Variants in MYO9B observed in about 807,000 individuals in gnomAD.
MYO9B encodes the protein myosin IXB.
Under a neutral mutation model 229.5 loss-of-function variants are expected in MYO9B, and 71 were observed. That is an observed-to-expected ratio of 0.31 (90% CI 0.26 to 0.38). The LOEUF (loss-of-function observed/expected upper bound fraction) is 0.38. Ranked by LOEUF, MYO9B falls within the 10% of genes least tolerant of loss-of-function variation. The pLI is 1.00. For synonymous variants in MYO9B, 1,185 were observed against 1,235.8 expected (o/e 0.96, Z 0.86); for missense variants, 2,255 against 2,920.5 (o/e 0.77, Z 5.25).
At chr19:17,130,567 C>T (rs1228314270) in intron 2 of MYO9B, among the ~76,000 whole-genome samples, 1 of 151,900 alleles carries the variant, frequency 6.6e-6, no homozygotes, top group East Asian at 1.9e-4. Context: ...TTGGAGTGAG[C>T]CGAGATCGTG....
chr19:17,194,665 G>A lies in MYO9B; in HGVS notation c.3238G>A (p.Gly1080Arg). The A allele has an allele frequency of 6.2e-7, 1 of 1,612,758 alleles. No individual in the cohort carries two copies. The highest frequency in any genetic ancestry group is 8.5e-7 in the Non-Finnish European group (1 of 1,179,810). ...EEGGQGQAAG[G>R]QQVAEQGPEP... ...GGGCGGACAGGGTCAGGCGGCTGGA[G>A]GGCAGCAGGTAGCTGAGCAGGGGCC... Residue 1080 changes from glycine to arginine, a missense_variant, in exon 22 of 40, where the codon GGG becomes AGG. This residue lies in a region of MYO9B where 679 missense variants were observed against 770.2 expected (regional missense o/e 0.88). Coordinates refer to ENST00000682292, the MANE Select transcript of MYO9B (RefSeq NM_004145.4).
At chr19:17,164,155 C>G (rs2072634604) in intron 10 of MYO9B, among the ~76,000 whole-genome samples, 1 of 152,080 alleles carries the variant, frequency 6.6e-6, no homozygotes, top group South Asian at 2.1e-4. Context: ...CCGGAATCTC[C>G]CTAGAGGCCC....
At chr19:17,202,375 G>A (rs1310563110) in intron 28 of MYO9B, 72 bp downstream of exon 28, 30 of 1,399,774 alleles carry the variant, frequency 2.1e-5, no homozygotes, top group East Asian at 7.5e-5. Flanking sequence ...CCTTAGCCAC[G>A]CCCACCCATG....
At chr19:17,089,381 T>C (rs2057615243) in intron 1 of MYO9B, among the ~76,000 whole-genome samples, 1 of 152,246 alleles carries the variant, frequency 6.6e-6, no homozygotes, top group South Asian at 2.1e-4. Context: ...CTAGTTAGCC[T>C]TCCCTTAGCT....
chr19:17,191,763 C>T (rs1367427184), intron 20 of MYO9B, among the ~76,000 whole-genome samples: 3 of 151,870 alleles, frequency 2.0e-5, no homozygotes, highest in African/African-American at 7.3e-5. Context: ...ATCCCTTGAG[C>T]CCAGGAGTTT....
At chr19:17,164,845 C>G (rs547317631) in intron 10 of MYO9B, among the ~76,000 whole-genome samples, 1 of 152,222 alleles carries the variant, frequency 6.6e-6, no homozygotes, top group African/African-American at 2.4e-5. Context: ...TGTAGCTGGT[C>G]AGAATTAAGT....
At chr19:17,184,400 G>A in intron 16 of MYO9B, 1 of 172,626 alleles carries the variant, frequency 5.8e-6, no homozygotes, top group Non-Finnish European at 1.2e-5. Context: ...TTGCAGTCTA[G>A]TTAGCAGATG....
chr19:17,141,148 C>T (rs935445916), intron 2 of MYO9B, among the ~76,000 whole-genome samples: 5 of 151,808 alleles, frequency 3.3e-5, no homozygotes, highest in Non-Finnish European at 7.4e-5. Flanking sequence ...ACATGAAGTC[C>T]ATAACAACCA....
chr19:17,202,942 C>A (rs375048155), intron 29 of MYO9B, 59 bp downstream of exon 29: 3 of 1,559,124 alleles, frequency 1.9e-6, no homozygotes, highest in Non-Finnish European at 2.6e-6. Flanking sequence ...GGAGCATGCA[C>A]GTGTGTGTCA....
At chr19:17,098,299 C>T (rs1568659501) in intron 1 of MYO9B, among the ~76,000 whole-genome samples, 1 of 152,218 alleles carries the variant, frequency 6.6e-6, no homozygotes, top group Non-Finnish European at 1.5e-5. Flanking sequence ...AAGCAGTCCA[C>T]CCGCCTTGGC....
At chr19:17,120,784 C>T (rs536384901) in intron 2 of MYO9B, among the ~76,000 whole-genome samples, 1 of 151,538 alleles carries the variant, frequency 6.6e-6, no homozygotes, top group South Asian at 2.1e-4. Context: ...AGTATATGTT[C>T]TGGAGAGAGA....
At chr19:17,109,031 A>ATTTT (rs1491450349) in intron 2 of MYO9B, among the ~76,000 whole-genome samples, 4 of 130,878 alleles carry the variant, frequency 3.1e-5, no homozygotes, top group African/African-American at 8.6e-5. Context: ...CTTTTTTTTA[A>ATTTT]TTTTATTTAT....
At position 17,195,537 on chromosome 19, in the gene MYO9B, C is replaced by A. The variant is rs1374160365; in HGVS notation, c.4046+64C>A. 3 of 1,520,056 alleles carry A rather than the reference C, an allele frequency of 2.0e-6. No homozygotes were observed. The African/African-American group carries it at 4.1e-5, about 21-fold the overall frequency. The allele number at this position is 1,520,056 out of a possible 1,614,324, so 94.2% of individuals were successfully genotyped here. A position where few individuals can be genotyped will look rare whatever the true frequency, so the allele number is the denominator to read the frequency against. ...CAGGCCAGGTGGGCAAGGCCAGGGG[C>A]AGTGCCACACATCCTGGAAACACAT... On this transcript the variant is annotated intron_variant, in intron 22 of 39. Coordinates refer to ENST00000682292, the MANE Select transcript of MYO9B (RefSeq NM_004145.4). This position sits in a 1 kb window ranked among gnomAD's most constrained non-coding sequence, Gnocchi z 4.5.
At chr19:17,083,618 C>G (rs906223814) in intron 1 of MYO9B, among the ~76,000 whole-genome samples, 8 of 150,766 alleles carry the variant, frequency 5.3e-5, no homozygotes, top group African/African-American at 2.0e-4. Context: ...CATCATCTGA[C>G]TGACCGAAGT....
At chr19:17,081,489 A>C (rs1361118719) in intron 1 of MYO9B, among the ~76,000 whole-genome samples, 6 of 152,068 alleles carry the variant, frequency 3.9e-5, no homozygotes, top group Non-Finnish European at 8.8e-5. Flanking sequence ...TCCAGATCTC[A>C]CACTCATACA....
chr19:17,100,254 G>A (rs189009111), intron 1 of MYO9B, among the ~76,000 whole-genome samples: 10 of 151,952 alleles, frequency 6.6e-5, no homozygotes, highest in African/African-American at 2.2e-4. Context: ...CACATCACCT[G>A]AGGTCAGGAG....
intron 1 of MYO9B, among the ~76,000 whole-genome samples, chr19:17,080,865 A>G (rs1338583860): frequency 1.5e-5 from 2 of 131,490 alleles, no homozygotes; most frequent in African/African-American, 6.4e-5. Flanking sequence ...CGACACCCCC[A>G]TCTCTTAAAA....
intron 1 of MYO9B, among the ~76,000 whole-genome samples, chr19:17,079,026 C>A (rs1435974514): frequency 1.3e-5 from 2 of 152,198 alleles, no homozygotes; most frequent in African/African-American, 4.8e-5. Flanking sequence ...GGAATAGTGT[C>A]CCTGGCTGTC....
rs1338457889 is a variant in MYO9B at position 17,172,798 on chromosome 19, A to G, written c.1975A>G (p.Ile659Val). The G allele has an allele frequency of 4.3e-6, 7 of 1,613,350 alleles. No individual in the cohort carries two copies. In the African/African-American group the frequency reaches 6.7e-5, roughly 15 times the overall value. ...EKNMDYMRPD[I>V]VALLRGSDSS... ...GAACATGGACTACATGCGGCCAGAC[A>G]TCGTGGCCCTGCTGCGGGGCAGTGA... Residue 659 changes from isoleucine (I) to valine (V), a missense_variant, in exon 13 of 40, where the codon ATC (isoleucine) becomes GTC (valine). Coordinates refer to ENST00000682292, the MANE Select transcript of MYO9B (RefSeq NM_004145.4). This position sits in a 1 kb window ranked among gnomAD's most constrained non-coding sequence, Gnocchi z 8.2.
Sources: gnomAD v4.1 joint callset for allele counts (sites outside exome capture counted in the v4.1 genomes callset) on GRCh38, gnomAD v4.1.1 for gene constraint, gnomAD v4.1.1 regional missense constraint, Gnocchi (gnomAD v3.1) non-coding constraint, MANE v1.5 for transcripts, NCBI Gene and HGNC (gene_info 2026-07-23, HGNC 2026-07-21) for gene names.